Variants in PAQR7 observed in about 807,000 individuals in gnomAD.
The protein encoded by PAQR7 is membrane progestin receptor alpha.
PAQR7 carries 14 observed loss-of-function variants against 24.6 expected under a neutral mutation model. That is an observed-to-expected ratio of 0.57 (90% CI 0.38 to 0.89). PAQR7 has a LOEUF of 0.89. Ranked by LOEUF, PAQR7 falls within the 40% of genes least tolerant of loss-of-function variation. The pLI, the probability that PAQR7 is intolerant of heterozygous loss-of-function variation, is 0.00. For missense variants in PAQR7, 351 were observed against 444.0 expected (o/e 0.79, Z 1.88); for synonymous variants, 189 against 198.8 (o/e 0.95, Z 0.42).
At chr1:25,874,598 T>A (rs1572283780) in intron 1 of PAQR7, among the ~76,000 whole-genome samples, 1 of 152,026 alleles carries the variant, frequency 6.6e-6, no homozygotes, top group Non-Finnish European at 1.5e-5. Flanking sequence ...AGAGGCTGGG[T>A]CCCTCTCTCC....
Position 25,875,151 on chromosome 1 carries a change from T to A in PAQR7, c.-109+337A>T, listed in dbSNP as rs1470153017. Among the ~76,000 whole-genome samples, 1 of 151,970 alleles carries A rather than the reference T, an allele frequency of 6.6e-6. No homozygotes were observed. The highest frequency in any genetic ancestry group is 2.4e-5 in the African/African-American group (1 of 41,364). On this transcript the variant is annotated intron_variant, in intron 1 of 2. Transcript: ENST00000675840. This position sits in a 1 kb window ranked among gnomAD's most constrained non-coding sequence, Gnocchi z 5.4. The stretch of plus-strand genomic sequence containing the variant: ...TCCAAGCAGCCCTCCCCTCCCCTGC[T>A]CACTGGACAAACAGGCTCTCAGGCC...
Position 25,863,982 on chromosome 1 carries a change from G to C in PAQR7, c.-22-121C>G. On this transcript the variant is annotated intron_variant, in intron 2 of 2. Transcript: ENST00000675840. This position sits in a 1 kb window ranked among gnomAD's most constrained non-coding sequence, Gnocchi z 6.1. ...CTCCGACAGCCTTATCCTTACACTCGGTTTAAGAACAGAAGACTCATCCTA... is the reference window on the plus strand; with the variant it reads ...CTCCGACAGCCTTATCCTTACACTCCGTTTAAGAACAGAAGACTCATCCTA... The C allele has an allele frequency of 1.4e-6, 1 of 721,172 alleles. No individual in the cohort carries two copies. The highest frequency in any genetic ancestry group is 2.2e-6 in the Non-Finnish European group (1 of 447,876). 44.7% of individuals were successfully genotyped at this position (721,172 alleles called of 1,614,324 possible).
Position 25,862,624 on chromosome 1 carries a change from A to C in PAQR7, c.*175T>G, listed in dbSNP as rs941410069. ...CCAGGAGTGGACCCCAGCAACTCCTAGCCAATCCCTAAATCCAAGAATTGG... is the reference window on the plus strand; with the variant it reads ...CCAGGAGTGGACCCCAGCAACTCCTCGCCAATCCCTAAATCCAAGAATTGG... On this transcript the variant is annotated 3_prime_UTR_variant, in exon 3 of 3. Coordinates refer to ENST00000675840, the MANE Select transcript of PAQR7 (RefSeq NM_178422.6). 1.4e-5 allele frequency: 10 copies of C among 731,548 alleles called. 1 individual carries two copies. In the Admixed American group the frequency reaches 3.0e-4, roughly 22 times the overall value. 45.3% of individuals were successfully genotyped at this position (731,548 alleles called of 1,614,324 possible).
chr1:25,864,111 GAATGTATT>G (rs2048537246), intron 2 of PAQR7, among the ~76,000 whole-genome samples: 1 of 152,156 alleles, frequency 6.6e-6, no homozygotes, highest in Non-Finnish European at 1.5e-5. Context: ...AATGTTTGAG[GAATGTATT>G]AACTAATAAG....
chr1:25,865,763 C>T (rs1296636117), intron 2 of PAQR7, among the ~76,000 whole-genome samples: 2 of 152,004 alleles, frequency 1.3e-5, no homozygotes, highest in Non-Finnish European at 2.9e-5. Context: ...GCCAAGATCA[C>T]GCCACTGCAC....
chr1:25,867,721 C>G (rs972787427), intron 2 of PAQR7, among the ~76,000 whole-genome samples: 2 of 152,364 alleles, frequency 1.3e-5, no homozygotes, highest in Middle Eastern at 3.4e-3. Context: ...AGAGTGCTTG[C>G]TATGCAAGGG....
At chr1:25,864,960 T>A (rs1360240613) in intron 2 of PAQR7, among the ~76,000 whole-genome samples, 1 of 151,200 alleles carries the variant, frequency 6.6e-6, no homozygotes, top group Non-Finnish European at 1.5e-5. Context: ...ATGGAGACCA[T>A]CCTGGCTAAC....
At chr1:25,871,448 G>A (rs1459809650) in intron 1 of PAQR7, among the ~76,000 whole-genome samples, 1 of 152,142 alleles carries the variant, frequency 6.6e-6, no homozygotes, top group African/African-American at 2.4e-5. Flanking sequence ...GAAGGTTTGG[G>A]AGTCTTCTGG....
intron 1 of PAQR7, 140 bp from the exon 2 acceptor site, chr1:25,870,834 C>T (rs778642421): frequency 2.6e-5 from 4 of 152,200 alleles, no homozygotes; most frequent in Non-Finnish European, 2.9e-5. Flanking sequence ...AGCTATGTGA[C>T]CTTAGACAAG....
chr1:25,866,738 T>G (rs2048560160), intron 2 of PAQR7, among the ~76,000 whole-genome samples: 1 of 152,094 alleles, frequency 6.6e-6, no homozygotes, highest in Non-Finnish European at 1.5e-5. Flanking sequence ...GTGTTTTGTT[T>G]GTTTGTTTGT....
At chr1:25,866,268 C>T (rs962289181) in intron 2 of PAQR7, among the ~76,000 whole-genome samples, 15 of 152,106 alleles carry the variant, frequency 9.9e-5, no homozygotes, top group African/African-American at 3.1e-4. Context: ...AATGTCACAC[C>T]CTGTGCCACC....
rs1203385137 is a variant in PAQR7 at position 25,862,950 on chromosome 1, T to C, written c.890A>G (p.Tyr297Cys). The change falls in exon 3 of 3, where the codon TAT (tyrosine) becomes TGT (cysteine). Residue 297 changes from tyrosine to cysteine, a missense_variant. Tyr to Cys is a radical substitution (Grantham distance 194). Coordinates refer to ENST00000675840, the MANE Select transcript of PAQR7 (RefSeq NM_178422.6). Reference sequence around the variant, plus strand: ...CTCATAGATGGGCCGTCGGGCCTCATAGTCCAGTGCCACAGCCTCCAGCTG... The same window carrying C: ...CTCATAGATGGGCCGTCGGGCCTCACAGTCCAGTGCCACAGCCTCCAGCTG... ...LAQLEAVALD[Y>C]EARRPIYEPL... The C allele has an allele frequency of 1.9e-6, 3 of 1,614,048 alleles. No homozygotes were observed. Among genetic ancestry groups the C allele is most frequent in the Non-Finnish European group, 2.5e-6 (3 of 1,180,040 alleles).
chr1:25,869,939 C>A (rs1396342536), intron 2 of PAQR7, among the ~76,000 whole-genome samples: 1 of 152,118 alleles, frequency 6.6e-6, no homozygotes, highest in African/African-American at 2.4e-5. Context: ...TGGACAAAAC[C>A]TGAGGCACCA....
rs998090071 is a variant in PAQR7 at position 25,862,676 on chromosome 1, G to A, written c.*123C>T. 1.2e-5 allele frequency: 13 copies of A among 1,081,372 alleles called. No individual in the cohort carries two copies. The highest frequency in any genetic ancestry group is 9.5e-5 in the South Asian group (6 of 62,982). 67.0% of individuals were successfully genotyped at this position (1,081,372 alleles called of 1,614,324 possible). ...CAGTGATGCCCTTGGCAGTTGAGTC[G>A]TGCACAGAGAGTCACTGTGGGCCAG... On this transcript the variant is annotated 3_prime_UTR_variant, in exon 3 of 3. Coordinates refer to ENST00000675840, the MANE Select transcript of PAQR7 (RefSeq NM_178422.6).
At chr1:25,868,080 T>G (rs2048572380) in intron 2 of PAQR7, among the ~76,000 whole-genome samples, 1 of 152,226 alleles carries the variant, frequency 6.6e-6, no homozygotes, top group Admixed American at 6.5e-5. Context: ...CCCCAAGAGA[T>G]GGTTTCAACC....
At chr1:25,867,293 C>T (rs150744964) in intron 2 of PAQR7, among the ~76,000 whole-genome samples, 2 of 152,290 alleles carry the variant, frequency 1.3e-5, no homozygotes, top group East Asian at 3.9e-4. Context: ...ACTCGGCCTC[C>T]CAAAGTGCTG....
chr1:25,868,188 C>G (rs1470839112), intron 2 of PAQR7, among the ~76,000 whole-genome samples: 1 of 152,212 alleles, frequency 6.6e-6, no homozygotes, highest in East Asian at 1.9e-4. Flanking sequence ...TTGGGCAACT[C>G]TCTTGTTTTA....
intron 1 of PAQR7, among the ~76,000 whole-genome samples, chr1:25,871,586 CA>C (rs755093268): frequency 3.9e-4 from 60 of 152,134 alleles, no homozygotes; most frequent in Admixed American, 2.0e-3. Flanking sequence ...TTCCTCAACT[CA>C]AGGTCAGCCC....
At chr1:25,865,318 G>A (rs983283673) in intron 2 of PAQR7, among the ~76,000 whole-genome samples, 1 of 152,178 alleles carries the variant, frequency 6.6e-6, no homozygotes, top group African/African-American at 2.4e-5. Flanking sequence ...GAGGCAGTTT[G>A]TCTCATTATT....
Sources: gnomAD v4.1 joint callset for allele counts (sites outside exome capture counted in the v4.1 genomes callset) on GRCh38, gnomAD v4.1.1 for gene constraint, Gnocchi (gnomAD v3.1) non-coding constraint, MANE v1.5 for transcripts, NCBI Gene and HGNC (gene_info 2026-07-23, HGNC 2026-07-21) for gene names.